Variants in COG5 observed in about 807,000 individuals in gnomAD.
COG5 encodes conserved oligomeric Golgi complex subunit 5.
In COG5, 86 loss-of-function variants were observed where a neutral mutation model predicts 110.4. The ratio of observed to expected loss-of-function variants is 0.78; its 90% CI spans 0.65 to 0.93. The LOEUF is 0.93. Ranked by LOEUF, COG5 falls within the 40% of genes least tolerant of loss-of-function variation. The pLI is 0.00. For synonymous variants in COG5, 360 were observed against 334.6 expected, an observed-to-expected ratio of 1.08 and a Z score of -0.83; for missense variants, 1,077 against 987.0, an observed-to-expected ratio of 1.09 and a Z score of -1.22.
chr7:107,216,173 TAAAGGTGTC>T (rs1450529587), intron 19 of COG5, among the ~76,000 whole-genome samples: 2 of 152,186 alleles, frequency 1.3e-5, no homozygotes, highest in Non-Finnish European at 2.9e-5. Flanking sequence ...GTCATCATGA[TAAAGGTGTC>T]AATTCATCAA....
chr7:107,441,255 C>CAA (rs551026030), intron 6 of COG5, among the ~76,000 whole-genome samples: 2,780 of 70,064 alleles, frequency 0.04, 200 homozygotes, highest in African/African-American at 0.12. Context: ...GACTCCGTCT[C>CAA]AAAAAAAAAA....
intron 7 of COG5, among the ~76,000 whole-genome samples, chr7:107,379,172 A>C (rs1814888095): frequency 6.6e-6 from 1 of 152,208 alleles, no homozygotes; most frequent in Admixed American, 6.5e-5. Flanking sequence ...AGCCAAACTA[A>C]GCTTCATAAG....
At chr7:107,534,115 C>T (rs1801407360) in intron 5 of COG5, among the ~76,000 whole-genome samples, 1 of 151,490 alleles carries the variant, frequency 6.6e-6, no homozygotes, top group Non-Finnish European at 1.5e-5. Flanking sequence ...CAAGCAGATG[C>T]TGAGAGATTT....
Position 107,210,541 on chromosome 7 carries a change from C to T in COG5, c.2360G>A (p.Arg787Lys), listed in dbSNP as rs761946629. ...CTGGCTTTACCTGATGAGGAGGAGC[C>T]TGTCCTTTTCAGATGGATGGTCATC... Reference protein sequence around the residue: ...WLDDHPSEKDRLLLIRGALEA... With the variant: ...WLDDHPSEKDKLLLIRGALEA... The change falls in exon 21 of 22, where the codon AGG becomes AAG. Residue 787 changes from arginine to lysine, a missense_variant. Physicochemically the swap from Arg to Lys is conservative, Grantham distance 26. Coordinates refer to ENST00000297135, the MANE Select transcript of COG5 (RefSeq NM_006348.5). 6.2e-7 allele frequency: 1 copy of T among 1,600,894 alleles called. No homozygotes were observed. Among genetic ancestry groups the T allele is most frequent in the Non-Finnish European group, 8.5e-7 (1 of 1,173,838 alleles).
chr7:107,484,866 T>G (rs576770051), intron 6 of COG5, among the ~76,000 whole-genome samples: 3 of 152,200 alleles, frequency 2.0e-5, no homozygotes, highest in African/African-American at 7.2e-5. Context: ...AACAGTGGAT[T>G]TGAATCATTT....
At chr7:107,210,794 C>T (rs75776663) in intron 20 of COG5, among the ~76,000 whole-genome samples, 189 bp from the exon 21 acceptor site, 4 of 152,206 alleles carry the variant, frequency 2.6e-5, no homozygotes, top group Admixed American at 2.6e-4. Context: ...TCTAGATTTG[C>T]CAATTGATGG....
intron 7 of COG5, among the ~76,000 whole-genome samples, chr7:107,397,527 A>G (rs747416772): frequency 1.4e-4 from 21 of 152,164 alleles, no homozygotes; most frequent in African/African-American, 1.9e-4. Context: ...ACATGGGCCC[A>G]TAACAATAAT....
At chr7:107,401,376 T>A (rs904808877) in intron 7 of COG5, among the ~76,000 whole-genome samples, 1 of 152,174 alleles carries the variant, frequency 6.6e-6, no homozygotes, top group African/African-American at 2.4e-5. Flanking sequence ...TACAATGTTA[T>A]CTCTAAAAAG....
intron 6 of COG5, among the ~76,000 whole-genome samples, chr7:107,426,670 T>C (rs1331467930): frequency 1.3e-5 from 2 of 152,090 alleles, no homozygotes; most frequent in East Asian, 3.9e-4. Flanking sequence ...CCTCCTAATA[T>C]CACCACATTA....
At chr7:107,510,752 G>A (rs375640919) in intron 6 of COG5, among the ~76,000 whole-genome samples, 13 of 152,090 alleles carry the variant, frequency 8.5e-5, no homozygotes, top group African/African-American at 2.9e-4. Flanking sequence ...ACTCAAAACC[G>A]CTCCACTACA....
At chr7:107,308,680 G>A (rs536033373) in intron 11 of COG5, among the ~76,000 whole-genome samples, 9 of 151,302 alleles carry the variant, frequency 5.9e-5, no homozygotes, top group Non-Finnish European at 1.2e-4. Context: ...ATGTTTGATC[G>A]TGTTCCTTTT....
intron 6 of COG5, among the ~76,000 whole-genome samples, chr7:107,423,429 T>C (rs963134501): frequency 4.6e-5 from 7 of 152,100 alleles, no homozygotes; most frequent in Non-Finnish European, 8.8e-5. Context: ...ATCTAGAACA[T>C]TAAGGGAACT....
At chr7:107,306,048 A>C (rs1257284251) in intron 11 of COG5, among the ~76,000 whole-genome samples, 1 of 152,178 alleles carries the variant, frequency 6.6e-6, no homozygotes, top group Non-Finnish European at 1.5e-5. Context: ...ATTCACATTA[A>C]TGGGAATTAT....
At chr7:107,297,249 TATC>T (rs1363454850) in intron 12 of COG5, among the ~76,000 whole-genome samples, 2 of 152,180 alleles carry the variant, frequency 1.3e-5, no homozygotes, top group Non-Finnish European at 2.9e-5. Flanking sequence ...CATTTTTTCT[TATC>T]ATTCTCTAAG....
intron 6 of COG5, among the ~76,000 whole-genome samples, chr7:107,425,132 T>C (rs964121845): frequency 6.6e-6 from 1 of 152,062 alleles, no homozygotes; most frequent in African/African-American, 2.4e-5. Context: ...TTTCAAAAGA[T>C]CCAGTAAGAC....
intron 12 of COG5, among the ~76,000 whole-genome samples, chr7:107,292,607 C>G (rs997801264): frequency 2.6e-5 from 4 of 152,074 alleles, no homozygotes; most frequent in Non-Finnish European, 4.4e-5. Flanking sequence ...GACAAGATAA[C>G]GAAGGAATTC....
chr7:107,473,998 C>G (rs1460614168), intron 6 of COG5: 2 of 818,850 alleles, frequency 2.4e-6, no homozygotes, highest in Non-Finnish European at 3.9e-6. Context: ...ATTTAAATTG[C>G]CAAATATCAA....
chr7:107,227,441 T>C (rs1001896223), intron 19 of COG5, among the ~76,000 whole-genome samples: 4 of 152,220 alleles, frequency 2.6e-5, no homozygotes, highest in Admixed American at 6.5e-5. Flanking sequence ...AAATTATACA[T>C]TGATCAAGCG....
intron 19 of COG5, among the ~76,000 whole-genome samples, chr7:107,218,109 ATACTTAGGAATAAATG>A (rs1799652485): frequency 6.6e-6 from 1 of 152,098 alleles, no homozygotes; most frequent in Non-Finnish European, 1.5e-5. Context: ...AGAATGTAAA[ATACTTAGGAATAAATG>A]TACTTAGGAA....
Sources: allele counts gnomAD v4.1 joint callset (sites outside exome capture counted in the v4.1 genomes callset), GRCh38; gene constraint gnomAD v4.1.1; transcripts MANE v1.5; gene names NCBI Gene and HGNC (gene_info 2026-07-23, HGNC 2026-07-21).